Variants in CCSER1 observed in about 807,000 individuals in gnomAD.
The protein encoded by CCSER1 is serine-rich coiled-coil domain-containing protein 1.
In CCSER1, 41 loss-of-function variants were observed where a neutral mutation model predicts 82.0. The ratio of observed to expected loss-of-function variants is 0.50; its 90% CI spans 0.39 to 0.65. The LOEUF is 0.65. CCSER1 is among the 30% of genes least tolerant of loss of function. CCSER1 has a pLI of 0.00. For synonymous variants in CCSER1, 414 were observed against 383.9 expected (o/e 1.08, Z -0.92); for missense variants, 1,119 against 1,064.2 (o/e 1.05, Z -0.72).
intron 5 of CCSER1, among the ~76,000 whole-genome samples, chr4:90,496,199 T>G (rs1768975600): frequency 6.6e-6 from 1 of 152,160 alleles, no homozygotes; most frequent in South Asian, 2.1e-4. Flanking sequence ...CAGAATGGCC[T>G]CAGTTTCTAT....
chr4:90,659,040 T>A (rs189957341), intron 6 of CCSER1, among the ~76,000 whole-genome samples: 1 of 151,626 alleles, frequency 6.6e-6, no homozygotes, highest in East Asian at 1.9e-4. Context: ...GTGCAGTTCA[T>A]CCTTGTAAAT....
At chr4:91,538,698 C>CATATATATATATATATAT (rs1553952293) in intron 10 of CCSER1, among the ~76,000 whole-genome samples, 1 of 138,340 alleles carries the variant, frequency 7.2e-6, no homozygotes, top group South Asian at 2.3e-4. Context: ...TATATATACA[C>CATATATATATATATATAT]ATATATATAT....
chr4:90,616,341 T>A (rs1721191073), intron 5 of CCSER1, among the ~76,000 whole-genome samples: 1 of 152,080 alleles, frequency 6.6e-6, no homozygotes, highest in Non-Finnish European at 1.5e-5. Flanking sequence ...TGGTTAAAAT[T>A]TCCAGTATGT....
At position 91,573,316 on chromosome 4, in the gene CCSER1, G is replaced by A. The variant is rs1207995397; in HGVS notation, c.2218-25256G>A. 3.3e-5 allele frequency among the ~76,000 whole-genome samples: 5 copies of A among 152,302 alleles called. No individual in the cohort carries two copies. In the East Asian group the frequency reaches 5.8e-4, roughly 18 times the overall value. On this transcript the variant is annotated intron_variant, in intron 10 of 10. Transcript: ENST00000509176. Reference sequence around the variant, plus strand: ...ATTCTAAGTCAGTGGGTCTTATCTTGTGAGACACCAAGGAAGTAAATCCTG... The same window carrying A: ...ATTCTAAGTCAGTGGGTCTTATCTTATGAGACACCAAGGAAGTAAATCCTG...
chr4:91,533,936 T>G (rs1021425112), intron 10 of CCSER1, among the ~76,000 whole-genome samples: 4 of 151,976 alleles, frequency 2.6e-5, no homozygotes, highest in Non-Finnish European at 4.4e-5. Context: ...GGAATATGCC[T>G]AAACAAAACT....
intron 1 of CCSER1, among the ~76,000 whole-genome samples, chr4:90,263,347 A>G (rs1451659902): frequency 6.6e-6 from 1 of 152,226 alleles, no homozygotes; most frequent in Non-Finnish European, 1.5e-5. Context: ...GAATCCGGCT[A>G]TGTGAACTGA....
intron 3 of CCSER1, among the ~76,000 whole-genome samples, chr4:90,360,043 G>A (rs138474779): frequency 4.0e-5 from 6 of 148,290 alleles, no homozygotes; most frequent in African/African-American, 1.5e-4. Flanking sequence ...TCAGCCTCTC[G>A]AGCAGCAAGG....
intron 7 of CCSER1, among the ~76,000 whole-genome samples, chr4:90,790,588 C>T (rs1467016322): frequency 2.0e-5 from 3 of 152,112 alleles, no homozygotes; most frequent in African/African-American, 7.2e-5. Flanking sequence ...ACTCTACTAC[C>T]TTGGTCTATG....
At chr4:91,336,422 GA>G (rs1447396089) in intron 10 of CCSER1, among the ~76,000 whole-genome samples, 8 of 152,078 alleles carry the variant, frequency 5.3e-5, no homozygotes, top group African/African-American at 1.9e-4. Context: ...TAATTCACAA[GA>G]AGGTATAAGC....
At chr4:91,038,542 GAATA>G (rs1468259963) in intron 9 of CCSER1, among the ~76,000 whole-genome samples, 1 of 152,178 alleles carries the variant, frequency 6.6e-6, no homozygotes, top group African/African-American at 2.4e-5. Flanking sequence ...TAAGTTGGAT[GAATA>G]AAGAACAAAA....
intron 4 of CCSER1, among the ~76,000 whole-genome samples, chr4:90,438,022 C>G (rs1466606358): frequency 1.3e-5 from 2 of 151,946 alleles, no homozygotes; most frequent in Admixed American, 1.3e-4. Context: ...CTCCACAGTT[C>G]TGTAAAATGC....
chr4:90,690,933 A>G (rs1367616555), intron 6 of CCSER1, among the ~76,000 whole-genome samples: 1 of 152,066 alleles, frequency 6.6e-6, no homozygotes. Context: ...GAAGTGAGAC[A>G]TCTAATTTCA....
intron 10 of CCSER1, among the ~76,000 whole-genome samples, chr4:91,162,460 G>A (rs1731521102): frequency 2.0e-5 from 3 of 152,128 alleles, no homozygotes; most frequent in Non-Finnish European, 2.9e-5. Context: ...GAGTTAGAGA[G>A]GAATTCCTCT....
At chr4:90,930,966 A>ATATATATATG (rs1448169778) in intron 9 of CCSER1, among the ~76,000 whole-genome samples, 11 of 135,682 alleles carry the variant, frequency 8.1e-5, no homozygotes, top group African/African-American at 1.7e-4. Context: ...TACATACATG[A>ATATATATATG]TACATATATG....
chr4:90,467,249 G>A (rs1422455681), intron 4 of CCSER1, among the ~76,000 whole-genome samples: 2 of 152,136 alleles, frequency 1.3e-5, no homozygotes, highest in South Asian at 4.2e-4. Context: ...AGCTTGGCAT[G>A]ATAGTGCGCC....
chr4:91,318,266 ATTTATAT>A (rs1745966260), intron 10 of CCSER1, among the ~76,000 whole-genome samples: 1 of 152,024 alleles, frequency 6.6e-6, no homozygotes, highest in South Asian at 2.1e-4. Context: ...GGTCACTGAT[ATTTATAT>A]TTTATATTCT....
intron 3 of CCSER1, among the ~76,000 whole-genome samples, chr4:90,349,546 T>C (rs1322583195): frequency 6.6e-6 from 1 of 152,082 alleles, no homozygotes; most frequent in Non-Finnish European, 1.5e-5. Context: ...TTTTTTGTAT[T>C]CCATTCACCT....
rs369051250 is a variant in CCSER1, at chr4:90,400,124, C to G, written c.1598C>G (p.Pro533Arg). 6.4e-7 allele frequency: 1 copy of G among 1,566,684 alleles called. No homozygotes were observed. The highest frequency in any genetic ancestry group is 1.7e-5 in the Admixed American group (1 of 59,600). ...LEFLEEQSLHPSVCREDSYHS... is the reference protein window; with the variant it reads ...LEFLEEQSLHRSVCREDSYHS... ...TTTTTAGAGGAACAGAGTCTTCACCCTTCTGGTAAGTGTTAAAGAGATGAA... is the reference window on the plus strand; with the variant it reads ...TTTTTAGAGGAACAGAGTCTTCACCGTTCTGGTAAGTGTTAAAGAGATGAA... The change falls in exon 4 of 11, where the codon CCT (proline) becomes CGT (arginine). Residue 533 changes from proline to arginine, a missense_variant. By Grantham distance (103) the Pro-to-Arg change is moderately radical. Coordinates refer to ENST00000509176, the MANE Select transcript of CCSER1 (RefSeq NM_001145065.2).
chr4:90,706,163 G>A (rs1363971669), intron 6 of CCSER1, among the ~76,000 whole-genome samples: 3 of 152,174 alleles, frequency 2.0e-5, no homozygotes, highest in Admixed American at 1.3e-4. Flanking sequence ...ACAACTGTGA[G>A]AAATAAATTT....
Sources: gnomAD v4.1 joint callset for allele counts (sites outside exome capture counted in the v4.1 genomes callset) on GRCh38, gnomAD v4.1.1 for gene constraint, MANE v1.5 for transcripts, NCBI Gene and HGNC (gene_info 2026-07-23, HGNC 2026-07-21) for gene names.